Variants in LATS2 observed in about 807,000 individuals in gnomAD.
The protein encoded by LATS2 is serine/threonine-protein kinase LATS2.
In LATS2, 24 loss-of-function variants were observed where a neutral mutation model predicts 76.0. The observed-to-expected ratio is 0.32, with a 90% CI of 0.23 to 0.44. The LOEUF is 0.44. Ranked by LOEUF, LATS2 falls within the 20% of genes least tolerant of loss-of-function variation. The probability of loss-of-function intolerance (pLI) is 1.00; values close to 1 mark genes in which losing one functional copy is unlikely to be tolerated. For missense variants in LATS2, 1,286 were observed against 1,481.2 expected (o/e 0.87, Z 2.16); for synonymous variants, 692 against 635.4 (o/e 1.09, Z -1.34).
chr13:21,021,862 C>A (rs1872078815), intron 2 of LATS2, among the ~76,000 whole-genome samples: 2 of 152,214 alleles, frequency 1.3e-5, no homozygotes, highest in African/African-American at 4.8e-5. Flanking sequence ...GCCACAGAGA[C>A]CAGTTCTGTC....
intron 2 of LATS2, among the ~76,000 whole-genome samples, chr13:21,025,416 T>A (rs1872275163): frequency 1.4e-5 from 2 of 144,400 alleles, no homozygotes; most frequent in Non-Finnish European, 3.1e-5. Context: ...AAAAAAAAAT[T>A]ATGGTCATGA....
intron 2 of LATS2, among the ~76,000 whole-genome samples, chr13:21,030,591 C>CAAAAAAAAAAAAAAAAA (rs374884189): frequency 1.6e-4 from 4 of 25,714 alleles, no homozygotes; most frequent in Non-Finnish European, 3.6e-4. Flanking sequence ...GACTCCGTCT[C>CAAAAAAAAAAAAAAAAA]AAAAAAAAAA....
chr13:21,008,483 C>T (rs930433586), intron 2 of LATS2, among the ~76,000 whole-genome samples: 7 of 152,050 alleles, frequency 4.6e-5, no homozygotes, highest in Non-Finnish European at 8.8e-5. Context: ...TATGTTTCAC[C>T]AAACCAGGAG....
intron 2 of LATS2, among the ~76,000 whole-genome samples, chr13:21,033,807 G>T (rs1362787095): frequency 6.6e-6 from 1 of 151,512 alleles, no homozygotes. Flanking sequence ...GGAGAAATTT[G>T]TCACTGTTAA....
At chr13:21,023,633 C>A (rs9509489) in intron 2 of LATS2, among the ~76,000 whole-genome samples, 3 of 110,588 alleles carry the variant, frequency 2.7e-5, no homozygotes, top group South Asian at 3.1e-4. Context: ...GACACATTTT[C>A]TATGACTGGC....
At chr13:21,006,017 A>T (rs1871251271) in intron 2 of LATS2, among the ~76,000 whole-genome samples, 1 of 152,028 alleles carries the variant, frequency 6.6e-6, no homozygotes, top group South Asian at 2.1e-4. Flanking sequence ...CATGTCTGTA[A>T]TCCCAGCTAC....
chr13:20,996,410 G>A (rs1200956845), intron 2 of LATS2, among the ~76,000 whole-genome samples: 4 of 140,434 alleles, frequency 2.8e-5, no homozygotes, highest in Non-Finnish European at 6.0e-5. Flanking sequence ...ACAGAGGCTC[G>A]TTCTGTCCCC....
At position 20,983,270 on chromosome 13, in the gene LATS2, G is replaced by C; in HGVS notation, c.2436C>G (p.Leu812=). The change falls in exon 5 of 8, where the codon CTC becomes CTG. Residue 812 remains leucine, a synonymous_variant. Transcript: ENST00000382592. ...TGTGAGTCCACCTGAACCCAGTGCA[G>C]AGGCCGAAATCTGTGAGTTTAATGT... ...DGHIKLTDFG[L]CTGFRWTHNS... The C allele has an allele frequency of 6.2e-7, 1 of 1,614,088 alleles. No individual in the cohort carries two copies. The highest frequency in any genetic ancestry group is 1.1e-5 in the South Asian group (1 of 91,082).
Position 20,987,974 on chromosome 13 carries a change from A to T in LATS2, c.1806T>A (p.Phe602Leu). 6.2e-7 allele frequency: 1 copy of T among 1,614,238 alleles called. No individual in the cohort carries two copies. Among genetic ancestry groups the T allele is most frequent in the Non-Finnish European group, 8.5e-7 (1 of 1,180,046 alleles). ...CCACGTGCTGCTCCATGAAGAACTT[A>T]AAGGCGTATGGCGAGTAGCTCTTGA... The part of the protein sequence containing the change: ...SRIKSYSPYA[F>L]KFFMEQHVEN... The change falls in exon 4 of 8, where the codon TTT becomes TTA. Residue 602 changes from phenylalanine (F) to leucine (L), a missense_variant. By Grantham distance (22) the Phe-to-Leu change is conservative (BLOSUM62 0). This residue lies in a region of LATS2 where 710 missense variants were observed against 660.9 expected (regional missense o/e 1.07). Transcript: ENST00000382592.
In LATS2 at chr13:21,009,534, A is replaced by T. The variant is rs376896730; in HGVS notation, c.343-18130T>A. Among the ~76,000 whole-genome samples, 232 of 152,340 alleles carry T rather than the reference A, an allele frequency of 1.5e-3. 1 individual carries two copies. The highest frequency in any genetic ancestry group is 5.0e-3 in the African/African-American group (207 of 41,572). On this transcript the variant is annotated intron_variant, in intron 2 of 7. Transcript: ENST00000382592. ...ACAGACTGTTAAGTAAAAACACAAC[A>T]ACAAAAATGTAGGTAACAAACACAT...
intron 1 of LATS2, among the ~76,000 whole-genome samples, chr13:21,053,541 C>T (rs900689194): frequency 1.3e-5 from 2 of 152,098 alleles, no homozygotes; most frequent in African/African-American, 2.4e-5. Flanking sequence ...CACTCAGCAC[C>T]GAATCTGCGT....
chr13:20,993,306 C>A (rs1473963945), intron 2 of LATS2, among the ~76,000 whole-genome samples: 2 of 152,218 alleles, frequency 1.3e-5, no homozygotes, highest in Non-Finnish European at 2.9e-5. Context: ...CTCATGGTTG[C>A]TTCTGCCCCC....
chr13:21,017,440 A>G (rs1046952281), intron 2 of LATS2, among the ~76,000 whole-genome samples: 1 of 151,944 alleles, frequency 6.6e-6, no homozygotes, highest in Non-Finnish European at 1.5e-5. Flanking sequence ...CTCTCAAGGT[A>G]CAGGGATTAC....
At chr13:21,014,999 C>T (rs1045755817) in intron 2 of LATS2, among the ~76,000 whole-genome samples, 7 of 152,302 alleles carry the variant, frequency 4.6e-5, no homozygotes, top group South Asian at 2.1e-4. Context: ...AGGCCTAGTG[C>T]GCTCACCGCC....
chr13:20,984,616 C>G (rs1423571840), intron 4 of LATS2, among the ~76,000 whole-genome samples: 1 of 151,920 alleles, frequency 6.6e-6, no homozygotes, highest in Non-Finnish European at 1.5e-5. Context: ...GTAAATTTAA[C>G]CAAAAAGTGA....
Position 20,975,217 on chromosome 13 carries a change from TGAA to T in LATS2, c.2917_2919del (p.Phe973del). ...ATGTCACTGGAGAAGTCAATGGCGC[TGAA>T]GAAGGGGTGGGCCTTCAGGTCATCG... On this transcript the variant is annotated inframe_deletion, in exon 8 of 8. Coordinates refer to ENST00000382592, the MANE Select transcript of LATS2 (RefSeq NM_014572.3). The T allele has an allele frequency of 6.2e-7, 1 of 1,614,170 alleles. No homozygotes were observed. The highest frequency in any genetic ancestry group is 8.5e-7 in the Non-Finnish European group (1 of 1,180,014).
chr13:21,001,823 G>A (rs930120240), intron 2 of LATS2, among the ~76,000 whole-genome samples: 1 of 151,982 alleles, frequency 6.6e-6, no homozygotes, highest in Non-Finnish European at 1.5e-5. Context: ...AGGTTGCGGT[G>A]AGCCGAGACA....
chr13:21,059,082 C>T (rs1873540332), intron 1 of LATS2, among the ~76,000 whole-genome samples: 1 of 152,150 alleles, frequency 6.6e-6, no homozygotes, highest in Admixed American at 6.5e-5. Context: ...TTAAGCAAAA[C>T]ACTTGTGCAA....
chr13:21,056,985 T>C (rs1369469698), intron 1 of LATS2, among the ~76,000 whole-genome samples: 6 of 152,120 alleles, frequency 3.9e-5, no homozygotes, highest in African/African-American at 1.4e-4. Context: ...GCAGGTGTCG[T>C]CCGGGTACAT....
Sources: gnomAD v4.1 joint callset for allele counts (sites outside exome capture counted in the v4.1 genomes callset) on GRCh38, gnomAD v4.1.1 for gene constraint, gnomAD v4.1.1 regional missense constraint, MANE v1.5 for transcripts, NCBI Gene and HGNC (gene_info 2026-07-23, HGNC 2026-07-21) for gene names.